Variants in RIMS2 observed in about 807,000 individuals in gnomAD.
RIMS2 encodes the protein regulating synaptic membrane exocytosis protein 2.
A neutral mutation model predicts 174.4 loss-of-function variants in RIMS2; 59 were observed. That is an observed-to-expected ratio of 0.34 (90% CI 0.27 to 0.42). The LOEUF is 0.42. Ranked by LOEUF, RIMS2 falls within the 10% of genes least tolerant of loss-of-function variation. The probability of loss-of-function intolerance (pLI) is 1.00; values close to 1 mark genes in which losing one functional copy is unlikely to be tolerated. For missense variants in RIMS2, 1,620 were observed against 1,666.3 expected (o/e 0.97, Z 0.48); for synonymous variants, 606 against 572.5 (o/e 1.06, Z -0.84).
chr8:103,742,077 A>C (rs2097767435), intron 2 of RIMS2, among the ~76,000 whole-genome samples: 1 of 152,066 alleles, frequency 6.6e-6, no homozygotes, highest in African/African-American at 2.4e-5. Flanking sequence ...CTGATACTCC[A>C]ATCAGGACTC....
At chr8:103,891,579 T>C (rs1485331919) in intron 4 of RIMS2, among the ~76,000 whole-genome samples, 1 of 152,094 alleles carries the variant, frequency 6.6e-6, no homozygotes, top group Non-Finnish European at 1.5e-5. Context: ...TGGAGAGTTT[T>C]AGTTTCTTCT....
chr8:104,065,042 A>G (rs1302620534), intron 19 of RIMS2, among the ~76,000 whole-genome samples: 1 of 152,024 alleles, frequency 6.6e-6, no homozygotes, highest in Admixed American at 6.6e-5. Flanking sequence ...ATAAACCGTC[A>G]TTTTTCAAAC....
At chr8:104,235,583 A>G (rs1186522299) in intron 19 of RIMS2, among the ~76,000 whole-genome samples, 1 of 150,040 alleles carries the variant, frequency 6.7e-6, no homozygotes, top group African/African-American at 2.5e-5. Flanking sequence ...AGGGAATAAT[A>G]CAATGAACAT....
intron 1 of RIMS2, among the ~76,000 whole-genome samples, chr8:103,597,784 G>A (rs2094535005): frequency 6.6e-6 from 1 of 151,862 alleles, no homozygotes; most frequent in African/African-American, 2.4e-5. Flanking sequence ...AAGTTGTCCA[G>A]AGGTTATAAG....
chr8:104,164,970 T>TA (rs988154683), intron 19 of RIMS2, among the ~76,000 whole-genome samples: 3 of 151,814 alleles, frequency 2.0e-5, no homozygotes, highest in Admixed American at 6.6e-5. Flanking sequence ...AAATACAAGT[T>TA]AAAAAAAAGA....
chr8:103,500,917 C>T, exon 1 of RIMS2: 1 of 1,606,450 alleles, frequency 6.2e-7, no homozygotes, highest in African/African-American at 1.3e-5. Flanking sequence ...CCGGGGCCGC[C>T]TGGCTCCCAT....
chr8:103,589,332 T>G (rs941151543), intron 1 of RIMS2, among the ~76,000 whole-genome samples: 3 of 118 alleles, frequency 0.025, no homozygotes, highest in South Asian at 0.25. Context: ...GAAAAAGTGC[T>G]CTATATCATG....
At chr8:103,612,601 C>T (rs77140699) in intron 1 of RIMS2, among the ~76,000 whole-genome samples, 29,455 of 152,050 alleles carry the variant, frequency 0.19, 3,046 homozygotes, top group Middle Eastern at 0.3. Context: ...CCCCTCTAGA[C>T]GGAATCTTGT....
chr8:103,617,198 C>G (rs1564032019), intron 1 of RIMS2, among the ~76,000 whole-genome samples: 1 of 152,018 alleles, frequency 6.6e-6, no homozygotes, highest in Admixed American at 6.6e-5. Context: ...GAATAGAGAG[C>G]CTAGAAATAG....
At chr8:103,921,959 CATTT>C (rs1362726504) in intron 10 of RIMS2, 175 bp downstream of exon 13, 1 of 384,964 alleles carries the variant, frequency 2.6e-6, no homozygotes, top group Non-Finnish European at 4.7e-6. Flanking sequence ...CATACTGCTT[CATTT>C]ATTAAGAGTT....
At chr8:103,605,133 G>A (rs2094986705) in intron 1 of RIMS2, among the ~76,000 whole-genome samples, 1 of 42,166 alleles carries the variant, frequency 2.4e-5, no homozygotes, top group Non-Finnish European at 3.8e-5. Flanking sequence ...ATTGGCTGTG[G>A]GTTTGTCATA....
chr8:103,926,515 G>A (rs2078810838), intron 10 of RIMS2, among the ~76,000 whole-genome samples: 1 of 151,572 alleles, frequency 6.6e-6, no homozygotes, highest in Non-Finnish European at 1.5e-5. Flanking sequence ...CTGAATGACA[G>A]TCTGCTTTTA....
intron 1 of RIMS2, among the ~76,000 whole-genome samples, chr8:103,671,535 T>G (rs1388999360): frequency 6.6e-6 from 1 of 152,228 alleles, no homozygotes; most frequent in Non-Finnish European, 1.5e-5. Context: ...AAACCTGTAT[T>G]CAAAGGTGCT....
chr8:103,553,752 C>A (rs1381099209), intron 1 of RIMS2, among the ~76,000 whole-genome samples: 1 of 148,942 alleles, frequency 6.7e-6, no homozygotes, highest in East Asian at 1.9e-4. Flanking sequence ...CAAGGCAATC[C>A]TAAGTAAAAA....
At position 104,089,786 on chromosome 8, in the gene RIMS2, G is replaced by A. The variant is rs142865782; in HGVS notation, c.3334+75171G>A. Reference sequence around the variant, plus strand: ...CCTATTTAATGACCTTCTGCTTTAGGCATTGGAAATAAGCCTCTGCTATTT... The same window carrying A: ...CCTATTTAATGACCTTCTGCTTTAGACATTGGAAATAAGCCTCTGCTATTT... On this transcript the variant is annotated intron_variant, in intron 19 of 23. Transcript: ENST00000504942. Among the ~76,000 whole-genome samples the A allele has an allele frequency of 1.8e-3, 280 of 151,630 alleles. 2 individuals are homozygous for A. Among genetic ancestry groups the A allele is most frequent in the African/African-American group, 6.5e-3 (268 of 41,406 alleles).
chr8:103,606,447 TG>T (rs1212100326), intron 1 of RIMS2, among the ~76,000 whole-genome samples: 1 of 151,946 alleles, frequency 6.6e-6, no homozygotes. Context: ...GGAATAAGTG[TG>T]GTGTGGTGCT....
intron 20 of RIMS2, 82 bp from the exon 27 acceptor site, chr8:104,248,619 T>C: frequency 2.5e-6 from 2 of 795,138 alleles, no homozygotes; most frequent in Admixed American, 1.8e-5. Flanking sequence ...CTTGCCACAA[T>C]AATGAGGCTA....
At chr8:103,697,327 A>G in intron 2 of RIMS2, 31 bp downstream of exon 4, 1 of 1,472,428 alleles carries the variant, frequency 6.8e-7, no homozygotes, top group Non-Finnish European at 9.5e-7. Context: ...GTTCTCTTCT[A>G]GTTAAGCTTA....
intron 2 of RIMS2, among the ~76,000 whole-genome samples, chr8:103,699,845 A>T (rs998175850): frequency 2.0e-5 from 3 of 152,134 alleles, no homozygotes; most frequent in African/African-American, 7.2e-5. Context: ...TAGATAATTT[A>T]GAAGTATGTT....
Sources: allele counts gnomAD v4.1 joint callset (sites outside exome capture counted in the v4.1 genomes callset), GRCh38; gene constraint gnomAD v4.1.1; transcripts MANE v1.5; gene names NCBI Gene and HGNC (gene_info 2026-07-23, HGNC 2026-07-21).